The following TSPAN7 variants were observed in gnomAD, a reference collection of about 807,000 sequenced individuals.
TSPAN7 encodes the protein tetraspanin-7.
Under a neutral mutation model 17.6 loss-of-function variants are expected in TSPAN7, and 1 was observed. That is an observed-to-expected ratio of 0.06 (90% CI 0.02 to 0.27). TSPAN7 has a LOEUF of 0.27. TSPAN7 is among the 10% of genes least tolerant of loss of function. The pLI, the probability that TSPAN7 is intolerant of heterozygous loss-of-function variation, is 1.00. For synonymous variants in TSPAN7, 78 were observed against 79.0 expected (o/e 0.99, Z 0.07); for missense variants, 112 against 201.7 (o/e 0.56, Z 2.69).
chrX:38,684,561 G>T (rs1415967565), intron 6 of TSPAN7, among the ~76,000 whole-genome samples: 2 of 111,421 alleles, frequency 1.8e-5, no homozygotes, highest in Admixed American at 9.5e-5. Context: ...AGAGCCATGG[G>T]ATGTCTGGGC....
intron 1 of TSPAN7, among the ~76,000 whole-genome samples, chrX:38,586,889 C>T (rs2069260838): frequency 8.9e-6 from 1 of 112,496 alleles, no homozygotes; most frequent in African/African-American, 3.2e-5. Context: ...TCCTAAATAA[C>T]CCCTCAGCCA....
intron 1 of TSPAN7, among the ~76,000 whole-genome samples, chrX:38,562,196 G>C (rs1446938328): frequency 1.8e-5 from 2 of 111,993 alleles, no homozygotes; most frequent in Non-Finnish European, 3.8e-5. Flanking sequence ...ACGATGGGGA[G>C]CAGGCGTTGT....
At chrX:38,646,306 G>A in intron 1 of TSPAN7, 1 of 1,153,917 alleles carries the variant, frequency 8.7e-7, no homozygotes, top group Non-Finnish European at 1.1e-6. Context: ...ATGTGGCTAT[G>A]GCTTTGGTAA....
At chrX:38,684,846 TTA>T (rs2069917027) in intron 6 of TSPAN7, among the ~76,000 whole-genome samples, 1 of 111,309 alleles carries the variant, frequency 9.0e-6, no homozygotes, top group Admixed American at 9.6e-5. Flanking sequence ...AGATCCAGGA[TTA>T]TAATTCTGAC....
At chrX:38,604,759 A>G (rs1184373894) in intron 1 of TSPAN7, among the ~76,000 whole-genome samples, 1 of 110,927 alleles carries the variant, frequency 9.0e-6, no homozygotes, top group African/African-American at 3.3e-5. Flanking sequence ...TTCAATATAC[A>G]CAAATCAATA....
intron 1 of TSPAN7, among the ~76,000 whole-genome samples, chrX:38,648,477 T>A (rs774841388): frequency 5.5e-4 from 62 of 112,269 alleles, no homozygotes; most frequent in African/African-American, 1.9e-3. Flanking sequence ...ATAGTTGGGA[T>A]CTTGCTCTGT....
chrX:38,641,729 ATCT>A (rs1413646645), intron 1 of TSPAN7, among the ~76,000 whole-genome samples: 1 of 112,020 alleles, frequency 8.9e-6, no homozygotes, highest in Non-Finnish European at 1.9e-5. Flanking sequence ...TGCAGACATT[ATCT>A]TCATTTTGCA....
chrX:38,615,042 T>G (rs1304771654), intron 1 of TSPAN7, among the ~76,000 whole-genome samples: 1 of 111,524 alleles, frequency 9.0e-6, no homozygotes. Flanking sequence ...GACCAAATTA[T>G]GTATCAAAAA....
At chrX:38,579,579 A>T (rs1185967474) in intron 1 of TSPAN7, among the ~76,000 whole-genome samples, 3 of 111,124 alleles carry the variant, frequency 2.7e-5, no homozygotes, top group Admixed American at 1.9e-4. Flanking sequence ...GTGTCTCAAA[A>T]AATAATAATA....
In TSPAN7 at chrX:38,646,357, T is replaced by C. The variant is rs2069646007; in HGVS notation, c.82-19764T>C. On this transcript the variant is annotated intron_variant, in intron 1 of 7. Coordinates refer to ENST00000378482, the MANE Select transcript of TSPAN7 (RefSeq NM_004615.4). ...GGGTTGGCTCCTACAAATATTAATG[T>C]GTGTAGCTGTGGGATTTTGTGAAGG... The C allele has an allele frequency of 3.7e-6, 4 of 1,077,969 alleles. No individual in the cohort carries two copies. In the East Asian group the frequency reaches 1.3e-4, roughly 36 times the overall value. 88.8% of individuals were successfully genotyped at this position (1,077,969 alleles called of 1,213,427 possible).
chrX:38,628,163 C>T (rs1024269072), intron 1 of TSPAN7, among the ~76,000 whole-genome samples: 1 of 112,191 alleles, frequency 8.9e-6, no homozygotes, highest in Admixed American at 9.4e-5. Context: ...CTTTTTATAC[C>T]CCCCTCCACA....
At chrX:38,628,346 GT>G (rs773169025) in intron 1 of TSPAN7, among the ~76,000 whole-genome samples, 2 of 110,118 alleles carry the variant, frequency 1.8e-5, no homozygotes, top group East Asian at 5.9e-4. Context: ...GTTTTTTTTT[GT>G]TTTTGTTTTT....
At chrX:38,642,365 G>A (rs187081069) in intron 1 of TSPAN7, among the ~76,000 whole-genome samples, 1 of 112,184 alleles carries the variant, frequency 8.9e-6, no homozygotes, top group Admixed American at 9.4e-5. Context: ...GGACAATTAT[G>A]CTTTGCTCAT....
chrX:38,592,699 G>A (rs921468205), intron 1 of TSPAN7, among the ~76,000 whole-genome samples: 1 of 109,672 alleles, frequency 9.1e-6, no homozygotes, highest in African/African-American at 3.3e-5. Context: ...TTTTTCTATT[G>A]TTTAATACAT....
At chrX:38,567,096 T>A (rs1300018644) in intron 1 of TSPAN7, among the ~76,000 whole-genome samples, 1 of 111,870 alleles carries the variant, frequency 8.9e-6, no homozygotes. Context: ...AAAACAATTT[T>A]TTTTTTTGTC....
intron 1 of TSPAN7, among the ~76,000 whole-genome samples, chrX:38,600,584 G>C (rs978369373): frequency 1.8e-5 from 2 of 111,621 alleles, no homozygotes; most frequent in East Asian, 5.7e-4. Flanking sequence ...GCCCAGCTAA[G>C]AGTGGAATCT....
chrX:38,606,690 C>T (rs2147414800), intron 1 of TSPAN7, among the ~76,000 whole-genome samples: 1 of 112,045 alleles, frequency 8.9e-6, no homozygotes, highest in Admixed American at 9.5e-5. Context: ...CTGTGATCCC[C>T]ATGCCTAATG....
chrX:38,616,384 C>T (rs2069456049), intron 1 of TSPAN7, among the ~76,000 whole-genome samples: 1 of 111,988 alleles, frequency 8.9e-6, no homozygotes, highest in African/African-American at 3.2e-5. Flanking sequence ...ATACCTTAAC[C>T]ACTATACAGG....
intron 5 of TSPAN7, among the ~76,000 whole-genome samples, chrX:38,680,128 C>T (rs73198497): frequency 0.036 from 3,973 of 111,435 alleles, 74 homozygotes; most frequent in Non-Finnish European, 0.055. Flanking sequence ...ACTTAAAAAA[C>T]GAAAGAAAAC....
Sources: gnomAD v4.1 joint callset for allele counts (sites outside exome capture counted in the v4.1 genomes callset) on GRCh38, gnomAD v4.1.1 for gene constraint, MANE v1.5 for transcripts, NCBI Gene and HGNC (gene_info 2026-07-23, HGNC 2026-07-21) for gene names.